KCNG2: variants seen among roughly 807,000 people sequenced by gnomAD.
The protein encoded by KCNG2 is potassium voltage-gated channel modifier subfamily G member 2.
A neutral mutation model predicts 12.3 loss-of-function variants in KCNG2; 7 were observed. That is an observed-to-expected ratio of 0.57 (90% CI 0.32 to 1.07). KCNG2 has a LOEUF of 1.07. Ranked by LOEUF, KCNG2 falls within the 50% of genes least tolerant of loss-of-function variation. The pLI is 0.04. For synonymous variants in KCNG2, 414 were observed against 351.4 expected (o/e 1.18, Z -1.99); for missense variants, 703 against 726.0 (o/e 0.97, Z 0.36).
intron 1 of KCNG2, among the ~76,000 whole-genome samples, chr18:79,805,352 G>A (rs915912531): frequency 6.6e-6 from 1 of 152,146 alleles, no homozygotes; most frequent in African/African-American, 2.4e-5. Flanking sequence ...GGAAACACAC[G>A]CGTGGCAGGA....
At chr18:79,851,288 AT>A (rs1409375492) in intron 1 of KCNG2, among the ~76,000 whole-genome samples, 1 of 152,220 alleles carries the variant, frequency 6.6e-6, no homozygotes, top group Non-Finnish European at 1.5e-5. Context: ...AAAATTGGGA[AT>A]GCTTCTGTTC....
At chr18:79,798,178 G>A (rs2087377522) in intron 1 of KCNG2, among the ~76,000 whole-genome samples, 164 bp downstream of exon 1, 1 of 144,544 alleles carries the variant, frequency 6.9e-6, no homozygotes, top group African/African-American at 2.5e-5. Flanking sequence ...GGTCGAAGGG[G>A]ACCTTGGAAT....
At chr18:79,827,080 G>A (rs967700862) in intron 1 of KCNG2, among the ~76,000 whole-genome samples, 3 of 152,232 alleles carry the variant, frequency 2.0e-5, no homozygotes, top group Admixed American at 2.0e-4. Flanking sequence ...GCCGGGCCGC[G>A]CCAGCCTCTG....
intron 3 of KCNG2, among the ~76,000 whole-genome samples, chr18:79,872,708 G>A (rs529286313): frequency 7.9e-5 from 12 of 152,254 alleles, no homozygotes; most frequent in Non-Finnish European, 1.8e-4. Flanking sequence ...TCCAGCTCTG[G>A]CTCTGACAGC....
At position 79,822,450 on chromosome 18, in the gene KCNG2, A is replaced by T. The variant is rs2087578479; in HGVS notation, c.-115+24436A>T. Among the ~76,000 whole-genome samples the T allele has an allele frequency of 6.6e-6, 1 of 151,866 alleles. No individual in the cohort carries two copies. Among genetic ancestry groups the T allele is most frequent in the Non-Finnish European group, 1.5e-5 (1 of 67,960 alleles). On this transcript the variant is annotated intron_variant, in intron 1 of 3. Coordinates refer to ENST00000316249, the MANE Select transcript of KCNG2 (RefSeq NM_012283.2). This position sits in a 1 kb window ranked among gnomAD's most constrained non-coding sequence, Gnocchi z 4.4. ...AATATTGATACTTTTTAAAGTTATT[A>T]TTTTTTTGAGACAGGGTCTCACTCT...
At chr18:79,842,700 A>G (rs971914101) in intron 1 of KCNG2, among the ~76,000 whole-genome samples, 3 of 152,246 alleles carry the variant, frequency 2.0e-5, no homozygotes, top group African/African-American at 7.2e-5. Context: ...GAAATTCTGG[A>G]GATAAAGCAC....
intron 3 of KCNG2, among the ~76,000 whole-genome samples, chr18:79,882,257 C>T (rs545674243): frequency 2.1e-4 from 32 of 152,314 alleles, no homozygotes; most frequent in African/African-American, 7.7e-4. Context: ...AGGCCTGTAA[C>T]CCTAACACTG....
intron 3 of KCNG2, among the ~76,000 whole-genome samples, chr18:79,865,842 A>G (rs1223521053): frequency 2.8e-5 from 2 of 71,596 alleles, no homozygotes; most frequent in African/African-American, 6.9e-5. Context: ...CTGTATGCTG[A>G]GAGGACTGTG....
intron 1 of KCNG2, among the ~76,000 whole-genome samples, chr18:79,819,360 G>A (rs1250135348): frequency 6.6e-6 from 1 of 152,214 alleles, no homozygotes; most frequent in East Asian, 1.9e-4. Flanking sequence ...GGCTGTACGG[G>A]TGAGGCTGAG....
At chr18:79,888,525 C>T (rs890744322) in intron 3 of KCNG2, among the ~76,000 whole-genome samples, 7 of 150,656 alleles carry the variant, frequency 4.6e-5, no homozygotes, top group African/African-American at 1.5e-4. Context: ...GGGACGGCGG[C>T]GTCCTCCTCA....
chr18:79,888,039 G>C (rs904392531), intron 3 of KCNG2, among the ~76,000 whole-genome samples: 1 of 152,218 alleles, frequency 6.6e-6, no homozygotes, highest in Non-Finnish European at 1.5e-5. Flanking sequence ...CTTTAAAACG[G>C]TTCAGATGGT....
chr18:79,896,090 C>A (rs1980965045), intron 3 of KCNG2, among the ~76,000 whole-genome samples: 1 of 152,182 alleles, frequency 6.6e-6, no homozygotes, highest in African/African-American at 2.4e-5. Flanking sequence ...CTCAGCTTCC[C>A]AAGTAGCTGG....
At chr18:79,876,809 C>T (rs1386613126) in intron 3 of KCNG2, among the ~76,000 whole-genome samples, 1 of 152,250 alleles carries the variant, frequency 6.6e-6, no homozygotes. Flanking sequence ...AGATGCCTCT[C>T]ATGGTGTTTG....
intron 1 of KCNG2, among the ~76,000 whole-genome samples, chr18:79,819,874 C>T (rs1310909599): frequency 6.6e-6 from 1 of 152,272 alleles, no homozygotes; most frequent in Non-Finnish European, 1.5e-5. Flanking sequence ...CCACCTCCAA[C>T]CCCTGGTAAG....
Position 79,884,764 on chromosome 18 carries a change from G to A in KCNG2, c.625-14276G>A, listed in dbSNP as rs532084220. On this transcript the variant is annotated intron_variant, in intron 3 of 3. Transcript: ENST00000316249. This position sits in a 1 kb window ranked among gnomAD's most constrained non-coding sequence, Gnocchi z 5.5. Reference sequence around the variant, plus strand: ...GTCCGCCCGGCTCTGTGTTCCTCGGGGGGGCTCATCCTGGGGCCCAGGAAC... The same window carrying A: ...GTCCGCCCGGCTCTGTGTTCCTCGGAGGGGCTCATCCTGGGGCCCAGGAAC... Among the ~76,000 whole-genome samples the A allele has an allele frequency of 3.9e-5, 6 of 152,226 alleles. No homozygotes were observed. The highest frequency in any genetic ancestry group is 1.2e-4 in the African/African-American group (5 of 41,456).
chr18:79,876,464 G>T lies in KCNG2; in HGVS notation c.624+12173G>T, dbSNP rs142916320. Among the ~76,000 whole-genome samples the T allele has an allele frequency of 6.7e-3, 1,027 of 152,372 alleles. 13 individuals are homozygous for T. The highest frequency in any genetic ancestry group is 0.023 in the African/African-American group (958 of 41,582). On this transcript the variant is annotated intron_variant, in intron 3 of 3. Transcript: ENST00000316249. ...GCTGCAGTTCCCGGGAAACAGCAGT[G>T]GAAACCAGCGGCCCAGGGACAGGAC... is the stretch of plus-strand genomic sequence containing the variant.
chr18:79,830,022 C>T (rs944549927), intron 1 of KCNG2, among the ~76,000 whole-genome samples: 1 of 152,206 alleles, frequency 6.6e-6, no homozygotes, highest in African/African-American at 2.4e-5. Context: ...AGGCACAAAC[C>T]ATCACGCTAT....
At chr18:79,866,133 G>GAA (rs1599407900) in intron 3 of KCNG2, among the ~76,000 whole-genome samples, 1 of 149,462 alleles carries the variant, frequency 6.7e-6, no homozygotes, top group African/African-American at 2.5e-5. Flanking sequence ...TGTGTTCTGA[G>GAA]GTCTGGGTGC....
chr18:79,834,039 G>A (rs1248874675), intron 1 of KCNG2, among the ~76,000 whole-genome samples: 1 of 152,216 alleles, frequency 6.6e-6, no homozygotes, highest in Non-Finnish European at 1.5e-5. Context: ...GGGCTGAGGA[G>A]GCCACCCAGT....
Sources: gnomAD v4.1 joint callset for allele counts (sites outside exome capture counted in the v4.1 genomes callset) on GRCh38, gnomAD v4.1.1 for gene constraint, Gnocchi (gnomAD v3.1) non-coding constraint, MANE v1.5 for transcripts, NCBI Gene and HGNC (gene_info 2026-07-23, HGNC 2026-07-21) for gene names.